Variants in MCPH1 observed in about 807,000 individuals in gnomAD.
The protein encoded by MCPH1 is microcephalin.
In MCPH1, 104 loss-of-function variants were observed where a neutral mutation model predicts 84.5. The observed-to-expected ratio is 1.23, with a 90% CI of 1.05 to 1.45. MCPH1 has a LOEUF of 1.45. Ranked by LOEUF, MCPH1 falls within the 40% of genes most tolerant of loss-of-function variation. The probability of loss-of-function intolerance (pLI) is 0.00; values close to 1 mark genes in which losing one functional copy is unlikely to be tolerated. For synonymous variants in MCPH1, 514 were observed against 366.8 expected (o/e 1.40, Z -4.58); for missense variants, 1,498 against 1,005.7 (o/e 1.49, Z -6.62).
At chr8:6,513,858 T>G (rs1367103082) in intron 12 of MCPH1, 1 of 1,591,390 alleles carries the variant, frequency 6.3e-7, no homozygotes, top group East Asian at 2.2e-5. Context: ...TAATGCAAGT[T>G]GTTAAATTCA....
At chr8:6,605,266 A>C (rs566478053) in intron 12 of MCPH1, among the ~76,000 whole-genome samples, 1 of 152,058 alleles carries the variant, frequency 6.6e-6, no homozygotes, top group Non-Finnish European at 1.5e-5. Context: ...CCTTCCTGAG[A>C]GCTTGTCACT....
At chr8:6,408,052 A>G (rs758714230) in intron 1 of MCPH1, among the ~76,000 whole-genome samples, 7 of 152,234 alleles carry the variant, frequency 4.6e-5, no homozygotes, top group Non-Finnish European at 1.0e-4. Flanking sequence ...CAAAGCCTGA[A>G]ATATTTACCA....
chr8:6,582,664 C>A (rs556000094), intron 12 of MCPH1, among the ~76,000 whole-genome samples: 5 of 152,304 alleles, frequency 3.3e-5, no homozygotes, highest in African/African-American at 1.2e-4. Flanking sequence ...CCACATATCC[C>A]ATTACCCTGC....
chr8:6,449,739 G>C (rs971772669), intron 8 of MCPH1, among the ~76,000 whole-genome samples: 1 of 152,096 alleles, frequency 6.6e-6, no homozygotes, highest in Admixed American at 6.5e-5. Context: ...CAGCCAGTTT[G>C]CATGGGAATG....
chr8:6,634,828 G>T (rs1036164091), intron 13 of MCPH1: 1 of 152,166 alleles, frequency 6.6e-6, no homozygotes, highest in Non-Finnish European at 1.5e-5. Context: ...TTCATTAGTT[G>T]AGCCTGTAAC....
chr8:6,414,885 TA>T lies in MCPH1; in HGVS notation c.233+4del. 1 of 1,613,178 alleles carries T rather than the reference TA, an allele frequency of 6.2e-7. No individual in the cohort carries two copies. The highest frequency in any genetic ancestry group is 8.5e-7 in the Non-Finnish European group (1 of 1,179,534). On this transcript the variant is annotated splice_donor_region_variant and intron_variant, in intron 3 of 13. Transcript: ENST00000344683. ...CGTTTCGGTGCTCTGGGTGGAAAAGTAAGCAGTTTCTCTCTTACTTTTTTTC... is the reference window on the plus strand; with the variant it reads ...CGTTTCGGTGCTCTGGGTGGAAAAGTAGCAGTTTCTCTCTTACTTTTTTTC...
intron 12 of MCPH1, among the ~76,000 whole-genome samples, chr8:6,545,101 G>A (rs1822330309): frequency 6.6e-6 from 1 of 152,036 alleles, no homozygotes; most frequent in Non-Finnish European, 1.5e-5. Flanking sequence ...CTTACTAGAT[G>A]ATCCATTTCC....
chr8:6,571,198 C>T (rs1826634891), intron 12 of MCPH1, among the ~76,000 whole-genome samples: 1 of 152,112 alleles, frequency 6.6e-6, no homozygotes, highest in East Asian at 1.9e-4. Context: ...TAGATGAGTA[C>T]ATTTGCCTGA....
At position 6,406,752 on chromosome 8, in the gene MCPH1, G is replaced by C. The variant is rs951385987; in HGVS notation, c.22+63G>C. 19 of 1,573,734 alleles carry C rather than the reference G, an allele frequency of 1.2e-5. No homozygotes were observed. The African/African-American group carries it at 2.3e-4, about 19-fold the overall frequency. On this transcript the variant is annotated intron_variant, in intron 1 of 13. Transcript: ENST00000344683. ...TTTGAGGACCGGCACCCCTCGTCGC[G>C]GGCGCACTCGGGGGATCCCGTGGGA...
intron 12 of MCPH1, among the ~76,000 whole-genome samples, chr8:6,503,754 T>C (rs1397063991): frequency 3.3e-5 from 5 of 152,192 alleles, no homozygotes; most frequent in Non-Finnish European, 1.5e-5. Flanking sequence ...AGGAAGTCTC[T>C]ATGTTTCAGA....
At chr8:6,443,997 G>A (rs1285834581) in intron 7 of MCPH1, among the ~76,000 whole-genome samples, 3 of 152,316 alleles carry the variant, frequency 2.0e-5, no homozygotes, top group East Asian at 3.9e-4. Context: ...TTGAGGGAAT[G>A]TTTCATGCAA....
rs36033136 is a variant in MCPH1 at position 6,497,319 on chromosome 8, C to CAA, written c.2137-2525_2137-2524dup. 3.4e-3 allele frequency among the ~76,000 whole-genome samples: 486 copies of CAA among 144,764 alleles called. 14 individuals carry two copies. In the South Asian group the frequency reaches 0.059, roughly 18 times the overall value. 95.0% of individuals were successfully genotyped at this position (144,764 alleles called of 152,430 possible). The stretch of plus-strand genomic sequence containing the variant: ...AACACTGTGAAACCCCATTCTCTAC[C>CAA]AAAAAAAAACAAAAAAAAAGAAAAA... On this transcript the variant is annotated intron_variant, in intron 11 of 13. Coordinates refer to ENST00000344683, the MANE Select transcript of MCPH1 (RefSeq NM_024596.5).
intron 12 of MCPH1, 116 bp from the exon 13 acceptor site, chr8:6,621,338 G>T: frequency 7.8e-7 from 1 of 1,278,622 alleles, no homozygotes; most frequent in Admixed American, 1.7e-5. Context: ...GAGCATGGCA[G>T]CCTTACATTC....
At chr8:6,570,314 C>T (rs1362518051) in intron 12 of MCPH1, among the ~76,000 whole-genome samples, 1 of 152,084 alleles carries the variant, frequency 6.6e-6, no homozygotes, top group African/African-American at 2.4e-5. Context: ...AAGTGTCATC[C>T]CCTTAGAATT....
At chr8:6,446,787 G>A (rs1011258264) in intron 8 of MCPH1, 1 of 984,380 alleles carries the variant, frequency 1.0e-6, no homozygotes, top group Non-Finnish European at 1.2e-6. Context: ...GGAAAAAGCT[G>A]GTAGCAAACA....
At chr8:6,609,821 C>CA (rs1554476397) in intron 12 of MCPH1, among the ~76,000 whole-genome samples, 12 of 61,558 alleles carry the variant, frequency 1.9e-4, no homozygotes, top group Admixed American at 1.0e-3. Context: ...TGCCCCCCGC[C>CA]CCCCCCCCAC....
At chr8:6,484,219 A>T (rs1408838915) in intron 11 of MCPH1, among the ~76,000 whole-genome samples, 1 of 152,186 alleles carries the variant, frequency 6.6e-6, no homozygotes, top group Non-Finnish European at 1.5e-5. Flanking sequence ...ATAAGAAAAC[A>T]GAACAGCTCA....
chr8:6,480,587 C>T, intron 10 of MCPH1, 127 bp from the exon 11 acceptor site: 10 of 971,250 alleles, frequency 1.0e-5, no homozygotes, highest in Non-Finnish European at 1.7e-5. Flanking sequence ...GATATACGTA[C>T]CATAACCAAA....
chr8:6,512,672 G>A (rs867464115), intron 12 of MCPH1, among the ~76,000 whole-genome samples: 4 of 152,134 alleles, frequency 2.6e-5, no homozygotes, highest in Non-Finnish European at 4.4e-5. Flanking sequence ...TGGCTTCACC[G>A]TACTTATCTT....
Sources: gnomAD v4.1 joint callset for allele counts (sites outside exome capture counted in the v4.1 genomes callset) on GRCh38, gnomAD v4.1.1 for gene constraint, MANE v1.5 for transcripts, NCBI Gene and HGNC (gene_info 2026-07-23, HGNC 2026-07-21) for gene names.